PALS2: variants seen among roughly 807,000 people sequenced by gnomAD.
The protein encoded by PALS2 is protein PALS2.
PALS2 carries 27 observed loss-of-function variants against 61.6 expected under a neutral mutation model. The observed-to-expected ratio is 0.44, with a 90% confidence interval of 0.32 to 0.60. The LOEUF (loss-of-function observed/expected upper bound fraction) is 0.60. PALS2 is among the 20% of genes least tolerant of loss of function. The probability of loss-of-function intolerance (pLI) is 0.05; values close to 1 mark genes in which losing one functional copy is unlikely to be tolerated. For synonymous variants in PALS2, 236 were observed against 218.6 expected (o/e 1.08, Z -0.70); for missense variants, 554 against 639.4 (o/e 0.87, Z 1.44).
rs114554474 is a variant in PALS2, at chr7:24,577,827, A to T, written c.-3+4234A>T. On this transcript the variant is annotated intron_variant, in intron 1 of 11. Coordinates refer to ENST00000222644, the MANE Select transcript of PALS2 (RefSeq NM_001303037.2). ...CCCCCTCAATCCCATTACCTTTTTT[A>T]CTTAAAAATTTCTTCAAACCATTTA... Among the ~76,000 whole-genome samples the T allele has an allele frequency of 2.9e-3, 448 of 152,170 alleles. 2 individuals are homozygous for T. Among genetic ancestry groups the T allele is most frequent in the African/African-American group, 0.01 (427 of 41,508 alleles).
At chr7:24,619,705 G>A (rs146690124) in intron 1 of PALS2, among the ~76,000 whole-genome samples, 2,293 of 137,566 alleles carry the variant, frequency 0.017, 54 homozygotes, top group African/African-American at 0.056. Context: ...GCAACAGAGC[G>A]AGACTCTGTC....
intron 1 of PALS2, among the ~76,000 whole-genome samples, chr7:24,586,149 T>A (rs1313620280): frequency 6.6e-6 from 1 of 151,130 alleles, no homozygotes; most frequent in Admixed American, 6.6e-5. Flanking sequence ...GAACATAGGC[T>A]TTGCTATTTT....
Position 24,691,547 on chromosome 7 carries a change from A to G in PALS2, c.*3933A>G, listed in dbSNP as rs1054412508. On this transcript the variant is annotated 3_prime_UTR_variant, in exon 12 of 12. Transcript: ENST00000222644. ...AACTAGCATTCTAAAATTTTTAATTACTCCCATTTCTTTGACATTCTGAAA... is the reference window on the plus strand; with the variant it reads ...AACTAGCATTCTAAAATTTTTAATTGCTCCCATTTCTTTGACATTCTGAAA... 1.3e-5 allele frequency: 2 copies of G among 150,456 alleles called. No individual in the cohort carries two copies. The highest frequency in any genetic ancestry group is 4.9e-5 in the African/African-American group (2 of 40,984). The allele number at this position is 150,456 out of a possible 1,614,324, so 9.3% of individuals were successfully genotyped here. A position where few individuals can be genotyped will look rare whatever the true frequency, so the allele number is the denominator to read the frequency against.
chr7:24,639,405 TACACACACACAC>T (rs10607962), intron 2 of PALS2, among the ~76,000 whole-genome samples: 3 of 148,548 alleles, frequency 2.0e-5, no homozygotes, highest in African/African-American at 4.9e-5. Context: ...CTTTGCTGAA[TACACACACACAC>T]ACACACACAC....
Position 24,682,314 on chromosome 7 carries a change from C to T in PALS2, c.1446+1794C>T, listed in dbSNP as rs948185374. ...TGGTGGTTCTTTCTCAGCTTCAGGT[C>T]GTTGTACCAATGTGCAGGTTGGTAC... On this transcript the variant is annotated intron_variant, in intron 11 of 11. Transcript: ENST00000222644. Among the ~76,000 whole-genome samples, 14 of 152,092 alleles carry T rather than the reference C, an allele frequency of 9.2e-5. No homozygotes were observed. The South Asian group carries it at 2.9e-3, about 32-fold the overall frequency.
chr7:24,680,561 T>C (rs1787869590), intron 11 of PALS2, 41 bp downstream of exon 11: 1 of 1,585,648 alleles, frequency 6.3e-7, no homozygotes, highest in African/African-American at 1.4e-5. Flanking sequence ...ATCTTTCCTT[T>C]TCTTTTGAGC....
chr7:24,693,063 G>A lies in PALS2; in HGVS notation c.*5449G>A, dbSNP rs952961674. The A allele has an allele frequency of 6.6e-6, 1 of 152,108 alleles. No homozygotes were observed. Among genetic ancestry groups the A allele is most frequent in the African/African-American group, 2.4e-5 (1 of 41,432 alleles). The allele number at this position is 152,108 out of a possible 1,614,324, so 9.4% of individuals were successfully genotyped here. ...ATACAAAAGTCGATCAGAAGGGATAGTTCTCTTCCTTTTTTTCCCCTCCTA... is the reference window on the plus strand; with the variant it reads ...ATACAAAAGTCGATCAGAAGGGATAATTCTCTTCCTTTTTTTCCCCTCCTA... On this transcript the variant is annotated 3_prime_UTR_variant, in exon 12 of 12. Coordinates refer to ENST00000222644, the MANE Select transcript of PALS2 (RefSeq NM_001303037.2).
intron 1 of PALS2, among the ~76,000 whole-genome samples, chr7:24,580,501 C>G (rs1349576706): frequency 6.6e-6 from 1 of 152,202 alleles, no homozygotes; most frequent in East Asian, 1.9e-4. Context: ...CTGCACATAC[C>G]TCATTGATCC....
At chr7:24,610,521 A>G (rs1257315960) in intron 1 of PALS2, among the ~76,000 whole-genome samples, 1 of 152,190 alleles carries the variant, frequency 6.6e-6, no homozygotes, top group East Asian at 1.9e-4. Context: ...CTTTGATTCA[A>G]TGAAATATTA....
intron 1 of PALS2, among the ~76,000 whole-genome samples, chr7:24,586,215 T>C (rs1783060158): frequency 2.0e-5 from 3 of 152,170 alleles, no homozygotes; most frequent in Admixed American, 2.0e-4. Context: ...TTAATTTTAT[T>C]TAGCCATATA....
chr7:24,678,709 C>T (rs904632738), intron 9 of PALS2, among the ~76,000 whole-genome samples: 4 of 152,156 alleles, frequency 2.6e-5, no homozygotes, highest in Non-Finnish European at 5.9e-5. Context: ...TAATTAAGAA[C>T]TTCATTGAAG....
intron 2 of PALS2, among the ~76,000 whole-genome samples, chr7:24,630,763 T>C (rs1030397949): frequency 6.6e-6 from 1 of 152,220 alleles, no homozygotes; most frequent in African/African-American, 2.4e-5. Context: ...TTAAGAATTA[T>C]GCGAATTCTA....
chr7:24,627,224 A>T (rs1261518080), intron 2 of PALS2, among the ~76,000 whole-genome samples: 1 of 152,204 alleles, frequency 6.6e-6, no homozygotes, highest in African/African-American at 2.4e-5. Flanking sequence ...AAAACCATAC[A>T]ACTACATGGA....
chr7:24,607,225 C>G (rs544185271), intron 1 of PALS2, among the ~76,000 whole-genome samples: 8 of 152,158 alleles, frequency 5.3e-5, no homozygotes, highest in African/African-American at 1.7e-4. Flanking sequence ...AGTTTTTACT[C>G]TATTTAATCA....
At chr7:24,657,003 C>T (rs1163813871) in intron 5 of PALS2, among the ~76,000 whole-genome samples, 12 of 152,036 alleles carry the variant, frequency 7.9e-5, no homozygotes, top group African/African-American at 1.4e-4. Context: ...TTGTTTGATT[C>T]GTTTGTTTAG....
chr7:24,608,068 T>C (rs1431958067), intron 1 of PALS2, among the ~76,000 whole-genome samples: 1 of 152,162 alleles, frequency 6.6e-6, no homozygotes, highest in African/African-American at 2.4e-5. Context: ...CATACACATA[T>C]TTATATACAT....
intron 2 of PALS2, among the ~76,000 whole-genome samples, chr7:24,632,885 T>C (rs1785059540): frequency 6.6e-6 from 1 of 152,012 alleles, no homozygotes; most frequent in Admixed American, 6.5e-5. Context: ...TTCTCTCTCT[T>C]AGCATGTTAG....
intron 6 of PALS2, 75 bp from the exon 7 acceptor site, chr7:24,665,513 C>T (rs1786967628): frequency 7.4e-7 from 1 of 1,350,590 alleles, no homozygotes; most frequent in East Asian, 2.3e-5. Context: ...TGACTGACCA[C>T]TGCTTGTCTT....
intron 7 of PALS2, 91 bp downstream of exon 7, chr7:24,665,778 A>G: frequency 1.7e-6 from 2 of 1,204,382 alleles, no homozygotes; most frequent in Non-Finnish European, 2.4e-6. Flanking sequence ...CATTTATTTA[A>G]AATATGTCTA....
Sources: gnomAD v4.1 joint callset for allele counts (sites outside exome capture counted in the v4.1 genomes callset) on GRCh38, gnomAD v4.1.1 for gene constraint, MANE v1.5 for transcripts, NCBI Gene and HGNC (gene_info 2026-07-23, HGNC 2026-07-21) for gene names.